SPIDR: variants seen among roughly 807,000 people sequenced by gnomAD.
SPIDR encodes DNA repair-scaffolding protein.
Under a neutral mutation model 104.6 loss-of-function variants are expected in SPIDR, and 93 were observed. That is an observed-to-expected ratio of 0.89 (90% confidence interval 0.75 to 1.06). SPIDR has a LOEUF of 1.06. SPIDR is among the 50% of genes least tolerant of loss of function. SPIDR has a pLI of 0.00. For missense variants in SPIDR, 1,154 were observed against 1,111.2 expected (o/e 1.04, Z -0.55); for synonymous variants, 431 against 416.9 (o/e 1.03, Z -0.41).
Position 47,524,930 on chromosome 8 carries a change from G to A in SPIDR, c.1098-70881G>A, listed in dbSNP as rs149704348. ...AATTTAGTAAAATGTAGTTTTTAGG[G>A]GAGATCTTTTACAGAAGGAAGCTTT... On this transcript the variant is annotated intron_variant, in intron 8 of 19. Coordinates refer to ENST00000297423, the MANE Select transcript of SPIDR (RefSeq NM_001080394.4). 1.8e-4 allele frequency among the ~76,000 whole-genome samples: 27 copies of A among 152,232 alleles called. No homozygotes were observed. The East Asian group carries it at 5.2e-3, about 29-fold the overall frequency.
intron 8 of SPIDR, among the ~76,000 whole-genome samples, chr8:47,483,930 G>C (rs1554728920): frequency 6.6e-6 from 1 of 151,674 alleles, no homozygotes; most frequent in Non-Finnish European, 1.5e-5. Flanking sequence ...TCTCAAAAGA[G>C]AATTTTGATA....
At chr8:47,278,969 C>G (rs1412212942) in intron 1 of SPIDR, among the ~76,000 whole-genome samples, 1 of 151,980 alleles carries the variant, frequency 6.6e-6, no homozygotes, top group East Asian at 1.9e-4. Flanking sequence ...TCACTGCAGC[C>G]TCAAACTCCT....
At chr8:47,680,974 G>C (rs939315374) in intron 11 of SPIDR, among the ~76,000 whole-genome samples, 1 of 152,192 alleles carries the variant, frequency 6.6e-6, no homozygotes, top group Non-Finnish European at 1.5e-5. Flanking sequence ...AGAGGTAGGC[G>C]AATCACTTGA....
At chr8:47,655,338 C>T (rs2072547659) in intron 10 of SPIDR, among the ~76,000 whole-genome samples, 1 of 152,212 alleles carries the variant, frequency 6.6e-6, no homozygotes, top group African/African-American at 2.4e-5. Context: ...TCCACAGTCC[C>T]ACCAACAGTA....
rs533941796 is a variant in SPIDR, at chr8:47,661,788, C to G, written c.1545-12013C>G. Among the ~76,000 whole-genome samples, 18 of 152,332 alleles carry G rather than the reference C, an allele frequency of 1.2e-4. No individual in the cohort carries two copies. In the South Asian group the frequency reaches 3.5e-3, roughly 30 times the overall value. Reference sequence around the variant, plus strand: ...TAAACAAAAATAACTGAAAGGACTTCTAGAGAATATCCACTTGTCTTATAA... The same window carrying G: ...TAAACAAAAATAACTGAAAGGACTTGTAGAGAATATCCACTTGTCTTATAA... On this transcript the variant is annotated intron_variant, in intron 10 of 19. Transcript: ENST00000297423.
intron 10 of SPIDR, among the ~76,000 whole-genome samples, chr8:47,622,508 C>G (rs2065315646): frequency 6.6e-6 from 1 of 152,160 alleles, no homozygotes; most frequent in African/African-American, 2.4e-5. Context: ...CTTTGGTGCT[C>G]TGCCTCACCT....
At chr8:47,368,861 A>G (rs2057607804) in intron 5 of SPIDR, among the ~76,000 whole-genome samples, 1 of 152,208 alleles carries the variant, frequency 6.6e-6, no homozygotes, top group Non-Finnish European at 1.5e-5. Context: ...GTGAGATACG[A>G]AGTCCCCATA....
chr8:47,487,187 C>CT, intron 8 of SPIDR, among the ~76,000 whole-genome samples: 2 of 2,038 alleles, frequency 9.8e-4, no homozygotes, highest in African/African-American at 1.2e-3. Context: ...CAAAACAAAA[C>CT]AAAAAGGGGT....
chr8:47,399,320 A>G (rs1385811459), intron 6 of SPIDR, among the ~76,000 whole-genome samples: 1 of 152,170 alleles, frequency 6.6e-6, no homozygotes. Context: ...GGCAGCACCC[A>G]TGCAGGTGCC....
chr8:47,291,788 G>A (rs1554569476), intron 4 of SPIDR, among the ~76,000 whole-genome samples: 2 of 152,114 alleles, frequency 1.3e-5, no homozygotes, highest in Non-Finnish European at 2.9e-5. Flanking sequence ...CAACCTGTTC[G>A]GTAAATACTG....
At chr8:47,500,757 A>T (rs2080270506) in intron 8 of SPIDR, among the ~76,000 whole-genome samples, 1 of 152,148 alleles carries the variant, frequency 6.6e-6, no homozygotes, top group Non-Finnish European at 1.5e-5. Context: ...GTTTTCTTCT[A>T]GGGTTTTTAT....
chr8:47,656,052 C>T (rs1198327148), intron 10 of SPIDR, among the ~76,000 whole-genome samples: 1 of 152,142 alleles, frequency 6.6e-6, no homozygotes, highest in African/African-American at 2.4e-5. Flanking sequence ...TCATACCATA[C>T]ACAAAAATTA....
At chr8:47,418,918 G>A (rs782741472) in intron 7 of SPIDR, among the ~76,000 whole-genome samples, 4 of 152,140 alleles carry the variant, frequency 2.6e-5, no homozygotes, top group Non-Finnish European at 4.4e-5. Flanking sequence ...GCTGGGTTAC[G>A]TTTATTGATT....
chr8:47,288,447 G>T (rs1183024805), intron 3 of SPIDR, among the ~76,000 whole-genome samples: 1 of 152,040 alleles, frequency 6.6e-6, no homozygotes, highest in Admixed American at 6.6e-5. Context: ...ACCATGCCTG[G>T]CTAATTTTTT....
intron 10 of SPIDR, among the ~76,000 whole-genome samples, chr8:47,647,469 G>A (rs893334852): frequency 6.6e-6 from 1 of 152,110 alleles, no homozygotes; most frequent in Admixed American, 6.5e-5. Context: ...ACAAAAATTA[G>A]CCAGGCGTGT....
intron 8 of SPIDR, among the ~76,000 whole-genome samples, chr8:47,470,490 C>T (rs904192145): frequency 3.3e-5 from 5 of 151,448 alleles, no homozygotes; most frequent in Non-Finnish European, 7.4e-5. Context: ...GGTTTCACCA[C>T]GTTGCCCAGG....
chr8:47,476,281 T>A (rs2076287331), intron 8 of SPIDR, among the ~76,000 whole-genome samples: 2 of 152,156 alleles, frequency 1.3e-5, no homozygotes, highest in Non-Finnish European at 2.9e-5. Context: ...AGCACTGGCA[T>A]TGGAGTGATG....
At chr8:47,542,976 G>A (rs750754064) in intron 8 of SPIDR, among the ~76,000 whole-genome samples, 3 of 152,150 alleles carry the variant, frequency 2.0e-5, no homozygotes, top group Non-Finnish European at 4.4e-5. Flanking sequence ...TTTCACTTGG[G>A]ATAATTTTCT....
At chr8:47,388,966 T>C (rs1169411171) in intron 5 of SPIDR, among the ~76,000 whole-genome samples, 1 of 152,212 alleles carries the variant, frequency 6.6e-6, no homozygotes, top group African/African-American at 2.4e-5. Context: ...TAAAAACTAC[T>C]CCTTGCCTCA....
Sources: allele counts gnomAD v4.1 joint callset (sites outside exome capture counted in the v4.1 genomes callset), GRCh38; gene constraint gnomAD v4.1.1; transcripts MANE v1.5; gene names NCBI Gene and HGNC (gene_info 2026-07-23, HGNC 2026-07-21).